The following PIK3CB variants were observed in gnomAD, a reference collection of about 807,000 sequenced individuals.
PIK3CB encodes the protein phosphatidylinositol-4,5-bisphosphate 3-kinase catalytic subunit beta, also known as phosphatidylinositol 4,5-bisphosphate 3-kinase catalytic subunit beta isoform.
In PIK3CB, 39 loss-of-function variants were observed where a neutral mutation model predicts 136.8. That is an observed-to-expected ratio of 0.29 (90% confidence interval 0.22 to 0.37). PIK3CB has a LOEUF of 0.37. PIK3CB is among the 10% of genes least tolerant of loss of function. The probability of loss-of-function intolerance (pLI) is 1.00; values close to 1 mark genes in which losing one functional copy is unlikely to be tolerated. For synonymous variants in PIK3CB, 428 were observed against 436.6 expected (o/e 0.98, Z 0.25); for missense variants, 868 against 1,275.4 (o/e 0.68, Z 4.87).
At chr3:138,770,326 C>T (rs1322194896) in intron 2 of PIK3CB, 1 of 152,204 alleles carries the variant, frequency 6.6e-6, no homozygotes, top group African/African-American at 2.4e-5. Context: ...CTGGACTTTA[C>T]TCCTTTACAT....
At position 138,704,475 on chromosome 3, in the gene PIK3CB, C is replaced by T. The variant is rs1406072356; in HGVS notation, c.1549G>A (p.Glu517Lys). ...TTAGCACTATCACTGCTTGCAATCT[C>T]AGCTGCCTTTTCAATAATCTGTTTA... is the stretch of plus-strand genomic sequence containing the variant. The part of the protein sequence containing the change: ...PFDKIIEKAA[E>K]IASSDSANVS... The change falls in exon 12 of 24, where the codon GAG becomes AAG. Residue 517 changes from glutamate (E) to lysine (K), a missense_variant. Transcript: ENST00000674063. 6.2e-7 allele frequency: 1 copy of T among 1,607,778 alleles called. No homozygotes were observed. Among genetic ancestry groups the T allele is most frequent in the East Asian group, 2.2e-5 (1 of 44,860 alleles).
chr3:138,818,293 T>C (rs1488038146), intron 1 of PIK3CB, among the ~76,000 whole-genome samples: 13 of 152,134 alleles, frequency 8.5e-5, no homozygotes, highest in Admixed American at 8.5e-4. Flanking sequence ...CAAAACCCAA[T>C]ATGCTCCTAA....
chr3:138,799,562 C>T (rs1046473674), intron 1 of PIK3CB, among the ~76,000 whole-genome samples: 2 of 152,132 alleles, frequency 1.3e-5, no homozygotes, highest in Non-Finnish European at 2.9e-5. Flanking sequence ...CTGCTGTTAA[C>T]CCTACCTGCG....
chr3:138,677,344 C>T (rs1001632112), intron 19 of PIK3CB, among the ~76,000 whole-genome samples: 4 of 152,134 alleles, frequency 2.6e-5, no homozygotes, highest in Admixed American at 6.6e-5. Flanking sequence ...AGGCGTGAGC[C>T]ACCGTGCCCA....
intron 4 of PIK3CB, among the ~76,000 whole-genome samples, chr3:138,755,277 T>C (rs2045544620): frequency 6.6e-6 from 1 of 152,204 alleles, no homozygotes; most frequent in Admixed American, 6.5e-5. Context: ...GTCAAGGACT[T>C]CTCAAACAAT....
At chr3:138,700,238 G>A (rs2044222075) in intron 12 of PIK3CB, among the ~76,000 whole-genome samples, 1 of 151,812 alleles carries the variant, frequency 6.6e-6, no homozygotes. Flanking sequence ...CCATCCGTTT[G>A]TTTATCCGTC....
At chr3:138,787,012 A>G (rs1288940645) in intron 2 of PIK3CB, among the ~76,000 whole-genome samples, 4 of 152,228 alleles carry the variant, frequency 2.6e-5, no homozygotes, top group Non-Finnish European at 5.9e-5. Context: ...CCACATTATC[A>G]AAGGACCAGA....
intron 4 of PIK3CB, 28 bp downstream of exon 4, chr3:138,755,726 T>C: frequency 9.2e-7 from 1 of 1,083,202 alleles, no homozygotes; most frequent in South Asian, 1.4e-5. Context: ...ATTAAGAATT[T>C]GTACTTTTTT....
At chr3:138,731,528 C>T (rs1265335669) in intron 8 of PIK3CB, among the ~76,000 whole-genome samples, 1 of 151,798 alleles carries the variant, frequency 6.6e-6, no homozygotes, top group Non-Finnish European at 1.5e-5. Context: ...GCTAGGATTA[C>T]AGGTGTGAGC....
chr3:138,681,702 G>T (rs2043786057), intron 19 of PIK3CB, among the ~76,000 whole-genome samples: 1 of 152,156 alleles, frequency 6.6e-6, no homozygotes. Context: ...CCATAGGTTG[G>T]AATGTAATTC....
At chr3:138,694,660 G>T in intron 14 of PIK3CB, 126 bp downstream of exon 14, 2 of 991,606 alleles carry the variant, frequency 2.0e-6, no homozygotes, top group Non-Finnish European at 2.9e-6. Flanking sequence ...GAGTACATGA[G>T]CAAATGCTTT....
chr3:138,792,126 T>C (rs139115057), intron 2 of PIK3CB, among the ~76,000 whole-genome samples: 2,004 of 152,040 alleles, frequency 0.013, 44 homozygotes, highest in Middle Eastern at 0.048. Flanking sequence ...ACCAGGGAAG[T>C]GGAAGTTGCA....
chr3:138,780,702 A>T (rs1471993016), intron 2 of PIK3CB, among the ~76,000 whole-genome samples: 1 of 151,786 alleles, frequency 6.6e-6, no homozygotes, highest in Non-Finnish European at 1.5e-5. Context: ...AGTGTCTCTC[A>T]CTGTCATGCA....
intron 16 of PIK3CB, among the ~76,000 whole-genome samples, chr3:138,688,549 T>C (rs1433577577): frequency 6.8e-6 from 1 of 147,484 alleles, no homozygotes; most frequent in South Asian, 2.2e-4. Flanking sequence ...GTGGTTCACA[T>C]CTGCATTTCT....
At chr3:138,657,397 T>A (rs1270759330) in intron 22 of PIK3CB, 2 of 270,126 alleles carry the variant, frequency 7.4e-6, no homozygotes, top group African/African-American at 4.6e-5. Context: ...CTTTTCAGCA[T>A]CTTCCTATCA....
chr3:138,767,934 T>C (rs1412918412), intron 2 of PIK3CB, among the ~76,000 whole-genome samples: 2 of 152,216 alleles, frequency 1.3e-5, no homozygotes, highest in African/African-American at 4.8e-5. Flanking sequence ...TGCAATGCGA[T>C]GAACAAAGGT....
intron 1 of PIK3CB, among the ~76,000 whole-genome samples, chr3:138,802,796 C>A (rs1311292157): frequency 6.6e-6 from 1 of 152,140 alleles, no homozygotes; most frequent in Non-Finnish European, 1.5e-5. Flanking sequence ...AACCATGAGC[C>A]ATGAATCTTC....
intron 10 of PIK3CB, among the ~76,000 whole-genome samples, chr3:138,708,034 C>G (rs1345691860): frequency 6.6e-6 from 1 of 152,070 alleles, no homozygotes; most frequent in Non-Finnish European, 1.5e-5. Context: ...GATCCTCTCT[C>G]TCCAAAGTAA....
chr3:138,784,993 C>T (rs1299642838), intron 2 of PIK3CB, among the ~76,000 whole-genome samples: 1 of 152,100 alleles, frequency 6.6e-6, no homozygotes, highest in African/African-American at 2.4e-5. Context: ...AGCCCCTCCA[C>T]CCGGCAGCCG....
Sources: gnomAD v4.1 joint callset for allele counts (sites outside exome capture counted in the v4.1 genomes callset) on GRCh38, gnomAD v4.1.1 for gene constraint, MANE v1.5 for transcripts, NCBI Gene and HGNC (gene_info 2026-07-23, HGNC 2026-07-21) for gene names.